The following TPRG1 variants were observed in gnomAD, a reference collection of about 807,000 sequenced individuals.
TPRG1 encodes tumor protein p63-regulated gene 1 protein.
Under a neutral mutation model 29.3 loss-of-function variants are expected in TPRG1, and 29 were observed. The ratio of observed to expected loss-of-function variants is 0.99; its 90% CI spans 0.74 to 1.35. TPRG1 has a LOEUF of 1.35. Ranked by LOEUF, TPRG1 falls within the 40% of genes most tolerant of loss-of-function variation. TPRG1 has a pLI of 0.00. For synonymous variants in TPRG1, 130 were observed against 116.8 expected (o/e 1.11, Z -0.73); for missense variants, 327 against 335.0 (o/e 0.98, Z 0.19).
intron 4 of TPRG1, among the ~76,000 whole-genome samples, chr3:189,304,620 C>T (rs1721347392): frequency 6.6e-6 from 1 of 152,168 alleles, no homozygotes; most frequent in Non-Finnish European, 1.5e-5. Flanking sequence ...ATCTTATTGT[C>T]TGACTCTGTG....
chr3:189,223,853 TTTAA>T (rs1474456736), intron 3 of TPRG1, among the ~76,000 whole-genome samples: 1 of 152,328 alleles, frequency 6.6e-6, no homozygotes, highest in African/African-American at 2.4e-5. Context: ...AGAGTTGGCT[TTTAA>T]TTATTATTAT....
At chr3:189,302,625 A>G (rs1015655312) in intron 4 of TPRG1, among the ~76,000 whole-genome samples, 7 of 152,226 alleles carry the variant, frequency 4.6e-5, no homozygotes, top group African/African-American at 1.4e-4. Context: ...TCTGACAGAC[A>G]TGGACTCCAA....
intron 1 of TPRG1, among the ~76,000 whole-genome samples, chr3:189,125,611 G>T (rs1722361240): frequency 6.6e-6 from 1 of 151,970 alleles, no homozygotes. Context: ...ATCCTTCTTT[G>T]GTCTCTCTAT....
chr3:189,070,798 C>T (rs945126249), intron 4 of TPRG1, among the ~76,000 whole-genome samples: 1 of 151,960 alleles, frequency 6.6e-6, no homozygotes, highest in Non-Finnish European at 1.5e-5. Flanking sequence ...GGAGCAAAGG[C>T]AATTACCTGA....
At position 189,322,308 on chromosome 3, in the gene TPRG1, T is replaced by C. The variant is rs891575769; in HGVS notation, c.*1488T>C. The C allele has an allele frequency of 1.2e-4, 18 of 152,526 alleles. No individual in the cohort carries two copies. The highest frequency in any genetic ancestry group is 4.1e-4 in the African/African-American group (17 of 41,470). 9.4% of individuals were successfully genotyped at this position (152,526 alleles called of 1,614,324 possible). On this transcript the variant is annotated 3_prime_UTR_variant, in exon 6 of 6. Transcript: ENST00000345063. ...GATATATTTATAAACATCAATTTAA[T>C]GCAGACATTCAAACCCTAAACCTTG...
intron 1 of TPRG1, among the ~76,000 whole-genome samples, chr3:189,183,587 A>T (rs190439119): frequency 6.6e-6 from 1 of 152,126 alleles, no homozygotes; most frequent in East Asian, 1.9e-4. Context: ...CAAGGGGGCC[A>T]TCTATAGACC....
At chr3:189,223,112 C>G (rs1208727503) in intron 3 of TPRG1, among the ~76,000 whole-genome samples, 1 of 152,212 alleles carries the variant, frequency 6.6e-6, no homozygotes, top group Non-Finnish European at 1.5e-5. Context: ...CAATCTCAGC[C>G]TAGTTCCCAG....
At chr3:189,030,737 G>T (rs1713887843) in intron 4 of TPRG1, among the ~76,000 whole-genome samples, 1 of 152,096 alleles carries the variant, frequency 6.6e-6, no homozygotes, top group South Asian at 2.1e-4. Flanking sequence ...TGAGGAAGGG[G>T]TCATGGCAGA....
Position 189,323,868 on chromosome 3 carries a change from G to A in TPRG1, c.*3048G>A, listed in dbSNP as rs988349646. On this transcript the variant is annotated 3_prime_UTR_variant, in exon 6 of 6. Coordinates refer to ENST00000345063, the MANE Select transcript of TPRG1 (RefSeq NM_198485.4). ...TTATCTCATTCAGGAATTTCCACTT[G>A]AAAAATCTCTGATAAGCTTTATTTC... 1 of 152,114 alleles carries A rather than the reference G, an allele frequency of 6.6e-6. No individual in the cohort carries two copies. Among genetic ancestry groups the A allele is most frequent in the Non-Finnish European group, 1.5e-5 (1 of 68,014 alleles). The allele number at this position is 152,114 out of a possible 1,614,324, so 9.4% of individuals were successfully genotyped here.
chr3:189,233,322 G>A (rs13325055), intron 3 of TPRG1, among the ~76,000 whole-genome samples: 27,080 of 152,026 alleles, frequency 0.18, 2,641 homozygotes, highest in Non-Finnish European at 0.22. Context: ...ATTGCTGGGC[G>A]TGGGACTGGG....
chr3:189,303,637 GT>G (rs1721179968), intron 4 of TPRG1, among the ~76,000 whole-genome samples: 1 of 152,144 alleles, frequency 6.6e-6, no homozygotes, highest in African/African-American at 2.4e-5. Flanking sequence ...TCCTAACTTG[GT>G]CTGTAAACTC....
chr3:189,177,778 T>C (rs887226122), intron 1 of TPRG1, among the ~76,000 whole-genome samples: 15 of 152,262 alleles, frequency 9.9e-5, no homozygotes, highest in African/African-American at 3.6e-4. Flanking sequence ...ATGGTAATAA[T>C]GAGAATAATT....
chr3:189,225,789 T>C (rs1018601535), intron 3 of TPRG1, among the ~76,000 whole-genome samples: 3 of 152,218 alleles, frequency 2.0e-5, no homozygotes, highest in Admixed American at 6.5e-5. Context: ...GTGCTTCCAA[T>C]GGTCTGTTCA....
intron 3 of TPRG1, among the ~76,000 whole-genome samples, chr3:189,015,119 T>C (rs1379175282): frequency 6.6e-6 from 1 of 152,158 alleles, no homozygotes; most frequent in Non-Finnish European, 1.5e-5. Flanking sequence ...CAGGGCGAGG[T>C]GTTCTCAGGT....
chr3:189,096,145 T>C (rs1249670685), upstream of TPRG1, among the ~76,000 whole-genome samples: 1 of 152,234 alleles, frequency 6.6e-6, no homozygotes, highest in Non-Finnish European at 1.5e-5. Flanking sequence ...CCCAGCAGGC[T>C]CTGCATACCA....
chr3:189,160,405 T>A (rs1181837264), intron 5 of TPRG1, among the ~76,000 whole-genome samples: 6 of 152,206 alleles, frequency 3.9e-5, no homozygotes, highest in Non-Finnish European at 8.8e-5. Context: ...CCACTTTAAT[T>A]GGAAGTGTTG....
At chr3:189,042,916 A>G (rs1714721146) in intron 4 of TPRG1, among the ~76,000 whole-genome samples, 1 of 152,148 alleles carries the variant, frequency 6.6e-6, no homozygotes, top group South Asian at 2.1e-4. Flanking sequence ...CCTGGTCTCA[A>G]CCCAAAGACC....
intron 5 of TPRG1, chr3:189,315,674 A>C: frequency 6.2e-6 from 2 of 323,642 alleles, no homozygotes; most frequent in Non-Finnish European, 1.2e-5. Flanking sequence ...TTAGCAATTA[A>C]ATTTAACTTT....
intron 1 of TPRG1, among the ~76,000 whole-genome samples, chr3:189,107,511 G>A (rs60861114): frequency 0.071 from 10,853 of 151,930 alleles, 1,262 homozygotes; most frequent in African/African-American, 0.24. Context: ...TTACAATAAC[G>A]TATGGACAAA....
Sources: gnomAD v4.1 joint callset for allele counts (sites outside exome capture counted in the v4.1 genomes callset) on GRCh38, gnomAD v4.1.1 for gene constraint, MANE v1.5 for transcripts, NCBI Gene and HGNC (gene_info 2026-07-23, HGNC 2026-07-21) for gene names.